The following TNRC6A variants were observed in gnomAD, a reference collection of about 807,000 sequenced individuals.
TNRC6A encodes trinucleotide repeat-containing gene 6A protein.
TNRC6A carries 44 observed loss-of-function variants against 221.2 expected under a neutral mutation model. The ratio of observed to expected loss-of-function variants is 0.20; its 90% CI spans 0.16 to 0.26. The LOEUF is 0.26. Ranked by LOEUF, TNRC6A falls within the 10% of genes least tolerant of loss-of-function variation. TNRC6A has a pLI of 1.00. For missense variants in TNRC6A, 2,199 were observed against 2,404.4 expected (o/e 0.91, Z 1.79); for synonymous variants, 847 against 838.5 (o/e 1.01, Z -0.18).
intron 1 of TNRC6A, among the ~76,000 whole-genome samples, chr16:24,618,462 G>A (rs544898095): frequency 4.5e-4 from 68 of 151,978 alleles, no homozygotes; most frequent in Non-Finnish European, 7.4e-4. Flanking sequence ...CCATTTTACC[G>A]GTGAAACAAC....
intron 2 of TNRC6A, among the ~76,000 whole-genome samples, chr16:24,649,361 T>C (rs1350754327): frequency 1.3e-5 from 2 of 152,018 alleles, no homozygotes; most frequent in Non-Finnish European, 2.9e-5. Context: ...CAGGCTGGAG[T>C]GCAGTGGCAC....
chr16:24,647,935 C>G (rs1243534488), intron 2 of TNRC6A, among the ~76,000 whole-genome samples: 2 of 152,098 alleles, frequency 1.3e-5, no homozygotes, highest in Non-Finnish European at 2.9e-5. Flanking sequence ...ATGAGTTTGA[C>G]TACTCTAGGA....
intron 2 of TNRC6A, among the ~76,000 whole-genome samples, chr16:24,660,739 C>CTTTTTTTTTTTTTTTTT (rs58299677): frequency 8.4e-4 from 77 of 91,280 alleles, no homozygotes; most frequent in Non-Finnish European, 1.0e-3. Context: ...TTTTTTTTTT[C>CTTTTTTTTTTTTTTTTT]TTTTTTTTTT....
At chr16:24,697,567 C>T (rs1567365738) in intron 2 of TNRC6A, among the ~76,000 whole-genome samples, 1 of 151,818 alleles carries the variant, frequency 6.6e-6, no homozygotes, top group South Asian at 2.1e-4. Context: ...CACCTGTAGT[C>T]CCAGCTACTT....
In TNRC6A at chr16:24,719,036, C is replaced by CAA. The variant is rs199982416; in HGVS notation, n.403-31690_403-31689insAA. 6.3e-3 allele frequency among the ~76,000 whole-genome samples: 892 copies of CAA among 140,812 alleles called. 12 individuals are homozygous for CAA. The highest frequency in any genetic ancestry group is 0.022 in the African/African-American group (830 of 37,190). The allele number at this position is 140,812 out of a possible 152,430, so 92.4% of individuals were successfully genotyped here. A position where few individuals can be genotyped will look rare whatever the true frequency, so the allele number is the denominator to read the frequency against. On this transcript the variant is annotated intron_variant and non_coding_transcript_variant, in intron 2 of 2. Coordinates refer to the TNRC6A transcript ENST00000566108. ...TGGGTGACAGAGCAAGACTCTGTCT[C>CAA]CAAAAAAAAAAAAAGAAAAGAAAAA... is the stretch of plus-strand genomic sequence containing the variant.
At chr16:24,803,945 G>C in intron 11 of TNRC6A, 1 of 431,884 alleles carries the variant, frequency 2.3e-6, no homozygotes, top group South Asian at 4.1e-5. Flanking sequence ...GCCACCTTCT[G>C]TTTACTAGTC....
upstream of TNRC6A, among the ~76,000 whole-genome samples, chr16:24,727,013 T>C (rs1260877963): frequency 2.0e-5 from 3 of 151,564 alleles, no homozygotes; most frequent in African/African-American, 4.8e-5. Context: ...ACAAACCTTC[T>C]GGAAATCACA....
In TNRC6A at chr16:24,723,724, CT is replaced by C. The variant is rs112344480; in HGVS notation, n.403-26992del. ...TGTTTATAATTATCTGAATACCTAA[CT>C]TTTTTTTTTGTTCCATTTTAATTAT... is the stretch of plus-strand genomic sequence containing the variant. On this transcript the variant is annotated intron_variant and non_coding_transcript_variant, in intron 2 of 2. Transcript: ENST00000566108. Among the ~76,000 whole-genome samples, 565 of 149,274 alleles carry C rather than the reference CT, an allele frequency of 3.8e-3. 3 individuals carry two copies. The highest frequency in any genetic ancestry group is 0.024 in the Middle Eastern group (7 of 288).
At chr16:24,736,138 C>T (rs561599880) in intron 2 of TNRC6A, among the ~76,000 whole-genome samples, 2 of 152,334 alleles carry the variant, frequency 1.3e-5, no homozygotes, top group African/African-American at 4.8e-5. Context: ...GCACTCCAGC[C>T]TAGCCTGGGC....
At chr16:24,809,050 C>T (rs552657536) in intron 17 of TNRC6A, among the ~76,000 whole-genome samples, 16 of 152,276 alleles carry the variant, frequency 1.1e-4, no homozygotes, top group Non-Finnish European at 2.2e-4. Flanking sequence ...CTGAAAGTGA[C>T]CACAGATCTT....
intron 1 of TNRC6A, among the ~76,000 whole-genome samples, chr16:24,628,292 C>T (rs1490558110): frequency 1.4e-4 from 21 of 151,720 alleles, no homozygotes; most frequent in African/African-American, 3.9e-4. Context: ...TGGTGGTGGG[C>T]GCCTGTAATC....
rs60226517 is a variant in TNRC6A, at chr16:24,720,691, C to CAA, written n.403-30020_403-30019dup. 1.3e-3 allele frequency among the ~76,000 whole-genome samples: 37 copies of CAA among 28,914 alleles called. 1 individual carries two copies. Among genetic ancestry groups the CAA allele is most frequent in the African/African-American group, 2.8e-3 (30 of 10,708 alleles). The allele number at this position is 28,914 out of a possible 152,430, so 19.0% of individuals were successfully genotyped here. A position where few individuals can be genotyped will look rare whatever the true frequency, so the allele number is the denominator to read the frequency against. On this transcript the variant is annotated intron_variant and non_coding_transcript_variant, in intron 2 of 2. Coordinates refer to the TNRC6A transcript ENST00000566108. The stretch of plus-strand genomic sequence containing the variant: ...GGGCGAGAAGAGCAAAACTTCATCT[C>CAA]AAAAAAAAAAAAAAAAGAAAGAAAG...
chr16:24,676,717 G>C (rs1195854330), intron 2 of TNRC6A, among the ~76,000 whole-genome samples: 1 of 152,122 alleles, frequency 6.6e-6, no homozygotes, highest in Non-Finnish European at 1.5e-5. Flanking sequence ...GCCTCCCAAA[G>C]TGCTAGGATT....
chr16:24,647,940 C>G (rs1902380238), intron 2 of TNRC6A, among the ~76,000 whole-genome samples: 1 of 152,088 alleles, frequency 6.6e-6, no homozygotes, highest in Non-Finnish European at 1.5e-5. Flanking sequence ...TTTGACTACT[C>G]TAGGAAATTC....
intron 2 of TNRC6A, among the ~76,000 whole-genome samples, chr16:24,737,181 A>G (rs1482534109): frequency 1.3e-5 from 2 of 152,222 alleles, no homozygotes; most frequent in East Asian, 1.9e-4. Context: ...AAACCCCACA[A>G]CAAAAGCAGA....
At chr16:24,746,451 T>C (rs2057012689) in intron 2 of TNRC6A, among the ~76,000 whole-genome samples, 1 of 152,160 alleles carries the variant, frequency 6.6e-6, no homozygotes, top group Non-Finnish European at 1.5e-5. Flanking sequence ...GAGGTTTCTA[T>C]TGGGAGCTGG....
chr16:24,646,684 A>C (rs1276587737), intron 2 of TNRC6A, among the ~76,000 whole-genome samples: 2 of 152,202 alleles, frequency 1.3e-5, no homozygotes, highest in Non-Finnish European at 2.9e-5. Flanking sequence ...AGATGTTTTT[A>C]AAATCTATGC....
In TNRC6A at chr16:24,781,639, C is replaced by G. The variant is rs183985080; in HGVS notation, c.589+4281C>G. 2.6e-5 allele frequency among the ~76,000 whole-genome samples: 4 copies of G among 152,224 alleles called. No homozygotes were observed. The East Asian group carries it at 7.7e-4, about 29-fold the overall frequency. ...AGCTGATGTTGGGCCCCTCAAAACTCAGTATGTCCAAACTTGAACTCTTTG... is the reference window on the plus strand; with the variant it reads ...AGCTGATGTTGGGCCCCTCAAAACTGAGTATGTCCAAACTTGAACTCTTTG... On this transcript the variant is annotated intron_variant, in intron 5 of 24. Transcript: ENST00000395799.
intron 2 of TNRC6A, among the ~76,000 whole-genome samples, chr16:24,716,511 A>C (rs1200181464): frequency 6.6e-6 from 1 of 152,172 alleles, no homozygotes; most frequent in Non-Finnish European, 1.5e-5. Flanking sequence ...TCTACAAAAA[A>C]TACAAAAATT....
Sources: allele counts gnomAD v4.1 joint callset (sites outside exome capture counted in the v4.1 genomes callset), GRCh38; gene constraint gnomAD v4.1.1; transcripts MANE v1.5; gene names NCBI Gene and HGNC (gene_info 2026-07-23, HGNC 2026-07-21).